Variants in ABCB4 observed in about 807,000 individuals in gnomAD.
ABCB4 encodes ATP binding cassette subfamily B member 4, also known as phosphatidylcholine translocator ABCB4.
In ABCB4, 76 loss-of-function variants were observed where a neutral mutation model predicts 145.7. The ratio of observed to expected loss-of-function variants is 0.52; its 90% CI spans 0.43 to 0.63. ABCB4 has a LOEUF of 0.63. ABCB4 is among the 30% of genes least tolerant of loss of function. The pLI is 0.00. For missense variants in ABCB4, 1,234 were observed against 1,553.1 expected (o/e 0.79, Z 3.45); for synonymous variants, 517 against 566.8 (o/e 0.91, Z 1.25).
chr7:87,438,066 G>A (rs1810727712), intron 14 of ABCB4, among the ~76,000 whole-genome samples: 1 of 152,086 alleles, frequency 6.6e-6, no homozygotes, highest in South Asian at 2.1e-4. Context: ...TATTCTTTTA[G>A]CACAGCAAGA....
Position 87,443,676 on chromosome 7 carries a change from C to T in ABCB4, c.1217G>A (p.Arg406Gln), listed in dbSNP as rs763807769. 20 of 1,613,368 alleles carry T rather than the reference C, an allele frequency of 1.2e-5. No homozygotes were observed. The highest frequency in any genetic ancestry group is 6.6e-5 in the South Asian group (6 of 91,058). Reference sequence around the variant, plus strand: ...TACTTACAGTACCTTGACGTTAGCTCGAGAAGGGTAAGAAAAGTGAACATC... The same window carrying T: ...TACTTACAGTACCTTGACGTTAGCTTGAGAAGGGTAAGAAAAGTGAACATC... ...FNDVHFSYPS[R>Q]ANVKILKGLN... Residue 406 changes from arginine (R) to glutamine (Q), a missense_variant, in exon 11 of 28, where the codon CGA becomes CAA. Arg to Gln is a conservative substitution (Grantham distance 43). Coordinates refer to ENST00000649586, the MANE Select transcript of ABCB4 (RefSeq NM_000443.4).
chr7:87,475,220 A>C (rs1489485123), intron 2 of ABCB4, among the ~76,000 whole-genome samples, 166 bp downstream of exon 2: 1 of 152,208 alleles, frequency 6.6e-6, no homozygotes, highest in African/African-American at 2.4e-5. Context: ...GAGGCCACAC[A>C]ACACGTTTGC....
intron 15 of ABCB4, among the ~76,000 whole-genome samples, chr7:87,430,108 A>G (rs370880205): frequency 2.0e-5 from 3 of 152,278 alleles, no homozygotes; most frequent in Middle Eastern, 3.4e-3. Context: ...GTTACTTGTC[A>G]GAAAGCAAGG....
At chr7:87,411,352 A>T (rs1335824426) in intron 23 of ABCB4, among the ~76,000 whole-genome samples, 1 of 152,106 alleles carries the variant, frequency 6.6e-6, no homozygotes, top group African/African-American at 2.4e-5. Flanking sequence ...CACATTATGA[A>T]AGAAGGCATC....
At chr7:87,457,589 A>T (rs532765054) in intron 4 of ABCB4, among the ~76,000 whole-genome samples, 1 of 152,276 alleles carries the variant, frequency 6.6e-6, no homozygotes, top group South Asian at 2.1e-4. Context: ...GGGTTGTTTC[A>T]TTTCCAAGTT....
the ABCB4 span, among the ~76,000 whole-genome samples, chr7:87,384,177 T>C: frequency 6.6e-6 from 1 of 152,160 alleles, no homozygotes; most frequent in Non-Finnish European, 1.5e-5. Context: ...TGATTAGTGA[T>C]GTTGAGCATT....
intron 14 of ABCB4, among the ~76,000 whole-genome samples, chr7:87,436,847 C>A (rs768795879): frequency 2.0e-5 from 3 of 152,082 alleles, no homozygotes; most frequent in African/African-American, 7.2e-5. Flanking sequence ...GTCCCTGCAC[C>A]GCCACTCTAT....
At chr7:87,437,514 C>T (rs45563433) in intron 14 of ABCB4, among the ~76,000 whole-genome samples, 1,748 of 151,928 alleles carry the variant, frequency 0.012, 41 homozygotes, top group African/African-American at 0.04. Context: ...ATTTAGCAAC[C>T]AAAAAATAAT....
chr7:87,457,525 C>T (rs1028074069), intron 4 of ABCB4, among the ~76,000 whole-genome samples: 1 of 152,208 alleles, frequency 6.6e-6, no homozygotes, highest in Non-Finnish European at 1.5e-5. Context: ...GCTGCCTGTT[C>T]ATTTTAGAGA....
rs1584698590 is a variant in ABCB4 at position 87,419,187 on chromosome 7, C to T, written c.2395-567G>A. Among the ~76,000 whole-genome samples the T allele has an allele frequency of 2.0e-5, 3 of 152,218 alleles. No individual in the cohort carries two copies. The South Asian group carries it at 6.2e-4, about 32-fold the overall frequency. On this transcript the variant is annotated intron_variant, in intron 19 of 27. Coordinates refer to ENST00000649586, the MANE Select transcript of ABCB4 (RefSeq NM_000443.4). ...GCTACTCATCCATGGCATCTTTTACCTTCACATAAAATAATTTTTCCTGCA... is the reference window on the plus strand; with the variant it reads ...GCTACTCATCCATGGCATCTTTTACTTTCACATAAAATAATTTTTCCTGCA...
chr7:87,436,322 CAA>C (rs201591261), intron 14 of ABCB4, among the ~76,000 whole-genome samples: 10 of 102,830 alleles, frequency 9.7e-5, no homozygotes, highest in South Asian at 3.0e-4. Context: ...CTTTCAGCTA[CAA>C]AAAAAAAAAA....
the ABCB4 span, among the ~76,000 whole-genome samples, chr7:87,366,492 T>G: frequency 6.6e-6 from 1 of 152,230 alleles, no homozygotes; most frequent in African/African-American, 2.4e-5. Flanking sequence ...AGTCATATTC[T>G]TGATGATTTT....
chr7:87,413,515 A>G (rs1808765996), intron 22 of ABCB4, 102 bp downstream of exon 22: 1 of 815,106 alleles, frequency 1.2e-6, no homozygotes, highest in Non-Finnish European at 2.1e-6. Context: ...CCTTATAGTC[A>G]TATCATTGTT....
intron 25 of ABCB4, 65 bp from the exon 26 acceptor site, chr7:87,406,559 T>G: frequency 6.4e-7 from 1 of 1,559,542 alleles, no homozygotes; most frequent in Non-Finnish European, 8.7e-7. Context: ...AAAAAGTTAC[T>G]AGATTGTCCA....
intron 3 of ABCB4, 63 bp downstream of exon 3, chr7:87,472,558 G>T: frequency 7.3e-7 from 1 of 1,371,714 alleles, no homozygotes; most frequent in South Asian, 1.2e-5. Context: ...AAAGGTAATT[G>T]ATTCAATACC....
At chr7:87,453,389 G>C (rs980134347) in intron 5 of ABCB4, among the ~76,000 whole-genome samples, 13 of 151,924 alleles carry the variant, frequency 8.6e-5, no homozygotes, top group Non-Finnish European at 4.4e-5. Context: ...TCACCATGTT[G>C]GCCAGGCTGG....
chr7:87,427,262 G>A (rs2116568194), intron 15 of ABCB4, among the ~76,000 whole-genome samples: 1 of 151,902 alleles, frequency 6.6e-6, no homozygotes, highest in South Asian at 2.1e-4. Flanking sequence ...AAGGGAAGAA[G>A]ACTACATGGA....
rs780741213 is a variant in ABCB4, at chr7:87,417,419, A to G, written c.2575T>C (p.Leu859=). 19 of 1,614,048 alleles carry G rather than the reference A, an allele frequency of 1.2e-5. No individual in the cohort carries two copies. The highest frequency in any genetic ancestry group is 1.6e-4 in the Middle Eastern group (1 of 6,084). The change falls in exon 21 of 28, where the codon TTG becomes CTG. Residue 859 remains leucine, a synonymous_variant. Transcript: ENST00000649586. ...ATAATTGGAACAACTGCTAATAGCAATAGGGTTAACTGCCAACCGTAGATA... is the reference window on the plus strand; with the variant it reads ...ATAATTGGAACAACTGCTAATAGCAGTAGGGTTAACTGCCAACCGTAGATA... ...SFIYGWQLTL[L]LLAVVPIIAV...
At chr7:87,436,032 T>C (rs45596039) in intron 14 of ABCB4, among the ~76,000 whole-genome samples, 2,739 of 152,302 alleles carry the variant, frequency 0.018, 87 homozygotes, top group African/African-American at 0.062. Context: ...AATGAACCTG[T>C]ACATCTGGCT....
Sources: gnomAD v4.1 joint callset for allele counts (sites outside exome capture counted in the v4.1 genomes callset) on GRCh38, gnomAD v4.1.1 for gene constraint, MANE v1.5 for transcripts, NCBI Gene and HGNC (gene_info 2026-07-23, HGNC 2026-07-21) for gene names.